The following NMNAT1 variants were observed in gnomAD, a reference collection of about 807,000 sequenced individuals.
The protein encoded by NMNAT1 is nicotinamide nucleotide adenylyltransferase 1.
Under a neutral mutation model 16.7 loss-of-function variants are expected in NMNAT1, and 11 were observed. That is an observed-to-expected ratio of 0.66 (90% CI 0.41 to 1.09). The LOEUF (loss-of-function observed/expected upper bound fraction) is 1.09. Ranked by LOEUF, NMNAT1 falls within the 50% of genes least tolerant of loss-of-function variation. The pLI, the probability that NMNAT1 is intolerant of heterozygous loss-of-function variation, is 0.00. For missense variants in NMNAT1, 280 were observed against 332.3 expected, an observed-to-expected ratio of 0.84 and a Z score of 1.22; for synonymous variants, 110 against 119.8, an observed-to-expected ratio of 0.92 and a Z score of 0.53.
rs552027873 is a variant in NMNAT1, at chr1:9,984,559, C to T, written c.*1858C>T. 7 of 152,304 alleles carry T rather than the reference C, an allele frequency of 4.6e-5. No individual in the cohort carries two copies. Among genetic ancestry groups the T allele is most frequent in the Non-Finnish European group, 8.8e-5 (6 of 68,040 alleles). 9.4% of individuals were successfully genotyped at this position (152,304 alleles called of 1,614,324 possible). ...TTCACAGGGGAATAAATATTAATGA[C>T]TGACGTGAAGAAAATATGCCATTGT... On this transcript the variant is annotated 3_prime_UTR_variant, in exon 5 of 5. Coordinates refer to ENST00000377205, the MANE Select transcript of NMNAT1 (RefSeq NM_022787.4).
At chr1:9,960,785 C>T (rs963781562) in intron 1 of NMNAT1, 2 of 152,214 alleles carry the variant, frequency 1.3e-5, no homozygotes, top group Admixed American at 1.3e-4. Context: ...AAAAGTGAAT[C>T]ATGGTGACAC....
intron 1 of NMNAT1, among the ~76,000 whole-genome samples, chr1:9,952,779 T>A (rs888201562): frequency 3.9e-5 from 6 of 152,094 alleles, no homozygotes; most frequent in Admixed American, 2.6e-4. Context: ...CCTCAGGTGA[T>A]CTGCCCACCT....
At chr1:9,948,023 C>T (rs1437020933) in intron 1 of NMNAT1, among the ~76,000 whole-genome samples, 1 of 152,144 alleles carries the variant, frequency 6.6e-6, no homozygotes, top group African/African-American at 2.4e-5. Context: ...ATAATTACTT[C>T]AAAGGAATTT....
intron 1 of NMNAT1, among the ~76,000 whole-genome samples, chr1:9,965,736 C>T (rs1164957104): frequency 6.6e-6 from 1 of 152,074 alleles, no homozygotes; most frequent in East Asian, 1.9e-4. Context: ...AGCACAGTAG[C>T]TCATGCCTGT....
intron 1 of NMNAT1, 36 bp from the exon 2 acceptor site, chr1:9,971,982 A>C (rs1641699401): frequency 2.6e-6 from 2 of 759,404 alleles, no homozygotes; most frequent in South Asian, 3.1e-5. Context: ...GGAAAAAAAA[A>C]TGCATAACTG....
At chr1:9,985,793 G>A (rs1427438019), downstream of NMNAT1, among the ~76,000 whole-genome samples, 1 of 152,208 alleles carries the variant, frequency 6.6e-6, no homozygotes, top group Non-Finnish European at 1.5e-5. Flanking sequence ...CTCCCAAGGA[G>A]CTGGGATTAC....
chr1:9,951,929 A>G (rs1199575411), intron 1 of NMNAT1, among the ~76,000 whole-genome samples: 2 of 152,230 alleles, frequency 1.3e-5, no homozygotes, highest in African/African-American at 2.4e-5. Flanking sequence ...CCATCTCCAC[A>G]TATCTCTTCT....
upstream of NMNAT1, chr1:9,942,945 G>T (rs1411428721): frequency 8.5e-6 from 3 of 354,506 alleles, no homozygotes; most frequent in South Asian, 6.4e-5. Context: ...TCTTCCTAGC[G>T]AGGCCGAGAG....
the NMNAT1 span, among the ~76,000 whole-genome samples, chr1:9,990,763 G>A: frequency 6.6e-6 from 1 of 152,128 alleles, no homozygotes; most frequent in East Asian, 1.9e-4. Context: ...TGCTGTCTAG[G>A]AAGAACAGTG....
At chr1:9,971,699 A>C (rs1263822018) in intron 1 of NMNAT1, among the ~76,000 whole-genome samples, 1 of 152,130 alleles carries the variant, frequency 6.6e-6, no homozygotes, top group Non-Finnish European at 1.5e-5. Flanking sequence ...GTGGTGACTC[A>C]TGCTTGTAAT....
intron 1 of NMNAT1, among the ~76,000 whole-genome samples, chr1:9,945,914 C>T (rs762915035): frequency 3.3e-5 from 5 of 152,046 alleles, no homozygotes; most frequent in South Asian, 2.1e-4. Flanking sequence ...CCACCACATC[C>T]GGCTAGTTTT....
At chr1:9,979,571 C>A (rs183342618) in intron 3 of NMNAT1, among the ~76,000 whole-genome samples, 27 of 152,158 alleles carry the variant, frequency 1.8e-4, no homozygotes, top group African/African-American at 6.5e-4. Context: ...GAGGCCTAGG[C>A]GGGCAGATCA....
At chr1:9,962,683 T>TG (rs1418993260) in intron 1 of NMNAT1, among the ~76,000 whole-genome samples, 6 of 127,242 alleles carry the variant, frequency 4.7e-5, no homozygotes, top group Non-Finnish European at 8.5e-5. Flanking sequence ...AAGGGTTTTT[T>TG]TTTTTTTTTT....
rs370128707 is a variant in NMNAT1 at position 9,946,430 on chromosome 1, C to T, written c.-57+2915C>T. On this transcript the variant is annotated intron_variant, in intron 1 of 4. Transcript: ENST00000377205. ...AAACCAGATAAATGCTCCTTGGCAGCGGGAGGAGTTGAGGACACTTCAGCT... is the reference window on the plus strand; with the variant it reads ...AAACCAGATAAATGCTCCTTGGCAGTGGGAGGAGTTGAGGACACTTCAGCT... 9.2e-5 allele frequency among the ~76,000 whole-genome samples: 14 copies of T among 152,204 alleles called. No individual in the cohort carries two copies. In the South Asian group the frequency reaches 2.7e-3, roughly 29 times the overall value.
At chr1:9,954,542 C>T (rs913604291) in intron 1 of NMNAT1, among the ~76,000 whole-genome samples, 1 of 152,104 alleles carries the variant, frequency 6.6e-6, no homozygotes, top group East Asian at 1.9e-4. Flanking sequence ...TTGCCATTGT[C>T]CTTGTTTTTC....
At chr1:9,972,959 C>T (rs953837064) in intron 2 of NMNAT1, among the ~76,000 whole-genome samples, 1 of 152,042 alleles carries the variant, frequency 6.6e-6, no homozygotes, top group Non-Finnish European at 1.5e-5. Flanking sequence ...AGACCCTGAC[C>T]ACCCCTCCCC....
chr1:9,970,469 C>T (rs1353421883), intron 1 of NMNAT1, among the ~76,000 whole-genome samples: 2 of 151,854 alleles, frequency 1.3e-5, no homozygotes, highest in South Asian at 4.2e-4. Flanking sequence ...CTGAGGCAGG[C>T]GGATCACAAG....
chr1:9,948,144 T>C (rs1397928206), intron 1 of NMNAT1, among the ~76,000 whole-genome samples: 2 of 152,170 alleles, frequency 1.3e-5, no homozygotes, highest in African/African-American at 4.8e-5. Context: ...TGGGTATATA[T>C]TAGGTAACCT....
At chr1:9,979,582 C>T (rs1441332807) in intron 3 of NMNAT1, among the ~76,000 whole-genome samples, 1 of 152,076 alleles carries the variant, frequency 6.6e-6, no homozygotes, top group Non-Finnish European at 1.5e-5. Flanking sequence ...GGGCAGATCA[C>T]AAGGTCAGGA....
Sources: allele counts gnomAD v4.1 joint callset (sites outside exome capture counted in the v4.1 genomes callset), GRCh38; gene constraint gnomAD v4.1.1; transcripts MANE v1.5; gene names NCBI Gene and HGNC (gene_info 2026-07-23, HGNC 2026-07-21).